CAMSAP1: variants seen among roughly 807,000 people sequenced by gnomAD.
The protein encoded by CAMSAP1 is calmodulin regulated spectrin associated protein 1.
In CAMSAP1, 58 loss-of-function variants were observed where a neutral mutation model predicts 143.5. The observed-to-expected ratio is 0.40, with a 90% confidence interval of 0.33 to 0.50. CAMSAP1 has a LOEUF of 0.50. Ranked by LOEUF, CAMSAP1 falls within the 20% of genes least tolerant of loss-of-function variation. CAMSAP1 has a pLI of 0.45. For synonymous variants in CAMSAP1, 945 were observed against 859.3 expected (o/e 1.10, Z -1.74); for missense variants, 1,969 against 2,115.7 (o/e 0.93, Z 1.36).
chr9:135,865,505 G>T, intron 4 of CAMSAP1: 1 of 720,106 alleles, frequency 1.4e-6, no homozygotes, highest in Non-Finnish European at 2.3e-6. Flanking sequence ...TCTTCTAAGT[G>T]TACGTGGCCA....
At chr9:135,878,754 A>G (rs1489396402) in intron 3 of CAMSAP1, among the ~76,000 whole-genome samples, 1 of 152,132 alleles carries the variant, frequency 6.6e-6, no homozygotes, top group Non-Finnish European at 1.5e-5. Flanking sequence ...CACACTGCAA[A>G]AGGTGCTTTG....
chr9:135,820,108 C>T lies in CAMSAP1; in HGVS notation c.3822+731G>A, dbSNP rs929917777. Among the ~76,000 whole-genome samples, 1 of 152,174 alleles carries T rather than the reference C, an allele frequency of 6.6e-6. No homozygotes were observed. Among genetic ancestry groups the T allele is most frequent in the Non-Finnish European group, 1.5e-5 (1 of 68,038 alleles). ...GAGTGTGCGCACACCTGGATGGCAG[C>T]GCCCCCCACAGGCCTCGGCTACATC... On this transcript the variant is annotated intron_variant, in intron 11 of 16. Coordinates refer to ENST00000389532, the MANE Select transcript of CAMSAP1 (RefSeq NM_015447.4). The surrounding 1 kb of genome is among the most constrained non-coding windows in gnomAD (Gnocchi z 4.4).
chr9:135,819,153 G>A lies in CAMSAP1; in HGVS notation c.3823-7C>T. On this transcript the variant is annotated splice_polypyrimidine_tract_variant and splice_region_variant and intron_variant, in intron 11 of 16. Coordinates refer to ENST00000389532, the MANE Select transcript of CAMSAP1 (RefSeq NM_015447.4). ...CTTCCGCTTTCTGTTCATCCTGCAA[G>A]ACAGAGGCCACACAGAGCATGACAG... 6.3e-7 allele frequency: 1 copy of A among 1,599,812 alleles called. No homozygotes were observed. The highest frequency in any genetic ancestry group is 1.3e-5 in the African/African-American group (1 of 74,628).
intron 1 of CAMSAP1, among the ~76,000 whole-genome samples, chr9:135,897,972 G>T (rs2131021747): frequency 6.6e-6 from 1 of 152,204 alleles, no homozygotes; most frequent in South Asian, 2.1e-4. Flanking sequence ...ACCTAGAACT[G>T]AATGAAAATG....
rs1835426302 is a variant in CAMSAP1 at position 135,820,971 on chromosome 9, C to T, written c.3690G>A (p.Arg1230=). 6.2e-7 allele frequency: 1 copy of T among 1,613,202 alleles called. No homozygotes were observed. The highest frequency in any genetic ancestry group is 8.5e-7 in the Non-Finnish European group (1 of 1,179,416). The change falls in exon 11 of 17, where the codon AGG becomes AGA. Residue 1230 remains arginine (R), a synonymous_variant. Coordinates refer to ENST00000389532, the MANE Select transcript of CAMSAP1 (RefSeq NM_015447.4). This position sits in a 1 kb window ranked among gnomAD's most constrained non-coding sequence, Gnocchi z 4.4. ...AGAGGTCCACTTCAATGAGGCTGGCCCTGCTCCTCAGAGGCTCCTCCACGG... is the reference window on the plus strand; with the variant it reads ...AGAGGTCCACTTCAATGAGGCTGGCTCTGCTCCTCAGAGGCTCCTCCACGG... ...SVPVEEPLRS[R]ASLIEVDLSD...
chr9:135,878,207 G>T (rs560246605), intron 3 of CAMSAP1, among the ~76,000 whole-genome samples: 3 of 152,214 alleles, frequency 2.0e-5, no homozygotes, highest in Non-Finnish European at 4.4e-5. Context: ...CGGGTGAGCG[G>T]CCTGGAGCAG....
Position 135,815,219 on chromosome 9 carries a change from A to C in CAMSAP1, c.4388-4T>G. 1 of 1,594,810 alleles carries C rather than the reference A, an allele frequency of 6.3e-7. No homozygotes were observed. Among genetic ancestry groups the C allele is most frequent in the Non-Finnish European group, 8.6e-7 (1 of 1,166,678 alleles). ...GGCTCCTTAAAGAGCTTGGGACCTA[A>C]GAAACGAGGCCAGGGTTGGTAAAAT... On this transcript the variant is annotated splice_polypyrimidine_tract_variant and splice_region_variant and intron_variant, in intron 15 of 16. Transcript: ENST00000389532.
intron 1 of CAMSAP1, among the ~76,000 whole-genome samples, chr9:135,902,630 G>T (rs1838651702): frequency 6.6e-6 from 1 of 152,192 alleles, no homozygotes; most frequent in Non-Finnish European, 1.5e-5. Context: ...AACTCTTCTT[G>T]TTGCCTATAT....
rs201091108 is a variant in CAMSAP1, at chr9:135,821,148, G to C, written c.3513C>G (p.Leu1171=). Residue 1171 remains leucine, a synonymous_variant, in exon 11 of 17, where the codon CTC becomes CTG. Transcript: ENST00000389532. This position sits in a 1 kb window ranked among gnomAD's most constrained non-coding sequence, Gnocchi z 4.6. ...HGKCLFDSYR[L]HDESNQRTLT... ...GTGTCCGCTGATTGCTTTCATCATG[G>C]AGCCTGTAACTGTCGAAGAGACACT... 1.2e-6 allele frequency: 2 copies of C among 1,612,486 alleles called. No homozygotes were observed. The highest frequency in any genetic ancestry group is 2.2e-5 in the East Asian group (1 of 44,906).
chr9:135,867,829 AC>A (rs2130947520), intron 3 of CAMSAP1, among the ~76,000 whole-genome samples: 1 of 152,374 alleles, frequency 6.6e-6, no homozygotes, highest in Non-Finnish European at 1.5e-5. Flanking sequence ...GGAAACCTAC[AC>A]AGAGCAGAGC....
At chr9:135,840,223 G>C (rs564045252) in intron 7 of CAMSAP1, among the ~76,000 whole-genome samples, 22 of 152,304 alleles carry the variant, frequency 1.4e-4, no homozygotes, top group African/African-American at 4.8e-4. Flanking sequence ...AGGACCCACT[G>C]CACAGGGCCC....
chr9:135,835,838 G>A (rs1588457900), intron 7 of CAMSAP1, among the ~76,000 whole-genome samples: 1 of 152,170 alleles, frequency 6.6e-6, no homozygotes, highest in African/African-American at 2.4e-5. Context: ...AAATTAGCCA[G>A]GCATGGTGGT....
At chr9:135,892,754 G>T (rs971228445) in intron 1 of CAMSAP1, among the ~76,000 whole-genome samples, 1 of 147,760 alleles carries the variant, frequency 6.8e-6, no homozygotes, top group African/African-American at 2.5e-5. Context: ...GGGAGGCTGA[G>T]GCAGGAGAAT....
chr9:135,879,380 G>A (rs1407878230), intron 3 of CAMSAP1, among the ~76,000 whole-genome samples: 1 of 151,914 alleles, frequency 6.6e-6, no homozygotes, highest in African/African-American at 2.4e-5. Flanking sequence ...GACCAAGCAG[G>A]GGAAAAAGAA....
At chr9:135,814,001 G>T (rs1322446479) in intron 16 of CAMSAP1, among the ~76,000 whole-genome samples, 1 of 152,196 alleles carries the variant, frequency 6.6e-6, no homozygotes, top group African/African-American at 2.4e-5. Context: ...CACAGTGCTG[G>T]AATAAATCTA....
chr9:135,817,925 C>A, intron 14 of CAMSAP1, 52 bp downstream of exon 14: 1 of 1,460,340 alleles, frequency 6.8e-7, no homozygotes, highest in Non-Finnish European at 9.6e-7. Context: ...TCCCACCCTG[C>A]CCCTCCGAAC....
chr9:135,843,698 C>T (rs889171752), intron 7 of CAMSAP1, among the ~76,000 whole-genome samples: 1 of 151,530 alleles, frequency 6.6e-6, no homozygotes. Context: ...GCTGAAACCC[C>T]GTCTCTACTA....
rs117557229 is a variant in CAMSAP1, at chr9:135,820,649, G to A, written c.3822+190C>T. Among the ~76,000 whole-genome samples, 158 of 152,282 alleles carry A rather than the reference G, an allele frequency of 1.0e-3. No homozygotes were observed. In the East Asian group the frequency reaches 0.014, roughly 13 times the overall value. ...ACGCTCACTTGCATGCGTATTGCCC[G>A]GGACTGCTTCTGGCCAAGTGGAGTC... On this transcript the variant is annotated intron_variant, in intron 11 of 16. Transcript: ENST00000389532. This position sits in a 1 kb window ranked among gnomAD's most constrained non-coding sequence, Gnocchi z 4.4.
intron 7 of CAMSAP1, among the ~76,000 whole-genome samples, chr9:135,846,856 T>G (rs1428462256): frequency 1.3e-5 from 2 of 152,146 alleles, no homozygotes; most frequent in Non-Finnish European, 2.9e-5. Context: ...ACAGTTAGAA[T>G]GGCGATCATT....
Sources: gnomAD v4.1 joint callset for allele counts (sites outside exome capture counted in the v4.1 genomes callset) on GRCh38, gnomAD v4.1.1 for gene constraint, Gnocchi (gnomAD v3.1) non-coding constraint, MANE v1.5 for transcripts, NCBI Gene and HGNC (gene_info 2026-07-23, HGNC 2026-07-21) for gene names.